The following C1orf74 variants were observed in gnomAD, a reference collection of about 807,000 sequenced individuals.
C1orf74 encodes chromosome 1 open reading frame 74.
C1orf74 carries 5 observed loss-of-function variants against 7.3 expected under a neutral mutation model. The observed-to-expected ratio is 0.68, with a 90% CI of 0.36 to 1.44. The LOEUF is 1.44. Ranked by LOEUF, C1orf74 falls within the 40% of genes most tolerant of loss-of-function variation. C1orf74 has a pLI of 0.04. For synonymous variants in C1orf74, 121 were observed against 132.5 expected, an observed-to-expected ratio of 0.91 and a Z score of 0.59; for missense variants, 291 against 314.3, an observed-to-expected ratio of 0.93 and a Z score of 0.56.
rs2077754410 is a variant in C1orf74, at chr1:209,780,548, G to C, written c.*2277C>G. ...GAGGGTACAGGGAAGGAGAAAGACT[G>C]GGATCTCAGAGACCAGCTGCAAAAG... On this transcript the variant is annotated 3_prime_UTR_variant, in exon 2 of 2. Coordinates refer to ENST00000294811, the MANE Select transcript of C1orf74 (RefSeq NM_152485.4). 1 of 1,601,706 alleles carries C rather than the reference G, an allele frequency of 6.2e-7. No homozygotes were observed. The highest frequency in any genetic ancestry group is 1.3e-5 in the African/African-American group (1 of 74,220).
In C1orf74 at chr1:209,781,722, T is replaced by C. The variant is rs2077784640; in HGVS notation, c.*1103A>G. On this transcript the variant is annotated 3_prime_UTR_variant, in exon 2 of 2. Coordinates refer to ENST00000294811, the MANE Select transcript of C1orf74 (RefSeq NM_152485.4). ...TATGAAAGGGTGTTCTTTTAGCCGA[T>C]GATAAGCATGGTGGCAAGAACAGAA... is the stretch of plus-strand genomic sequence containing the variant. 2 of 483,590 alleles carry C rather than the reference T, an allele frequency of 4.1e-6. No individual in the cohort carries two copies. The highest frequency in any genetic ancestry group is 3.6e-5 in the Admixed American group (1 of 27,934). The allele number at this position is 483,590 out of a possible 1,614,324, so 30.0% of individuals were successfully genotyped here.
chr1:209,779,228 T>TA lies in C1orf74; in HGVS notation c.*3596dup. ...ACACAGCAGATGGGAACATATTTAA[T>TA]AACCAAGGTTCTAAGCAAAGTTCTG... On this transcript the variant is annotated 3_prime_UTR_variant, in exon 2 of 2. Transcript: ENST00000294811. The TA allele has an allele frequency of 9.3e-7, 1 of 1,080,500 alleles. No homozygotes were observed. Among genetic ancestry groups the TA allele is most frequent in the Non-Finnish European group, 1.4e-6 (1 of 727,572 alleles). 66.9% of individuals were successfully genotyped at this position (1,080,500 alleles called of 1,614,324 possible).
rs1184811702 is a variant in C1orf74, at chr1:209,783,652, G to GCTAGCCCGAGTTCCCTTCC, written c.-37_-19dup. On this transcript the variant is annotated 5_prime_UTR_variant, in exon 2 of 2. Transcript: ENST00000294811. The stretch of plus-strand genomic sequence containing the variant: ...AGCAACATCAAGAATGGCCTCCTTA[G>GCTAGCCCGAGTTCCCTTCC]CTAGCCCGAGTTCCCTTCCCTGGGT... 1.9e-6 allele frequency: 3 copies of GCTAGCCCGAGTTCCCTTCC among 1,548,206 alleles called. No individual in the cohort carries two copies. The Admixed American group carries it at 5.9e-5, about 30-fold the overall frequency.
chr1:209,779,277 TA>T lies in C1orf74; in HGVS notation c.*3547del. ...TGAAAAGAAAACTTTTTGTAGTAAA[TA>T]TGCTAGCATAGACAAGTTCCTTGTG... is the stretch of plus-strand genomic sequence containing the variant. On this transcript the variant is annotated 3_prime_UTR_variant, in exon 2 of 2. Transcript: ENST00000294811. 1.3e-6 allele frequency: 2 copies of T among 1,590,506 alleles called. No individual in the cohort carries two copies. The highest frequency in any genetic ancestry group is 1.7e-6 in the Non-Finnish European group (2 of 1,161,568).
rs757022735 is a variant in C1orf74, at chr1:209,782,021, T to C, written c.*804A>G. On this transcript the variant is annotated 3_prime_UTR_variant, in exon 2 of 2. Transcript: ENST00000294811. ...GCCTATATCTTTTCCAATCCACTCA[T>C]GGCCACTTTCTTCTGTCTCCCTGTC... 2.2e-5 allele frequency: 34 copies of C among 1,559,424 alleles called. No individual in the cohort carries two copies. The highest frequency in any genetic ancestry group is 1.7e-5 in the Admixed American group (1 of 59,912).
chr1:209,782,344 G>A lies in C1orf74; in HGVS notation c.*481C>T. ...CAGAACTCTCAGTTTATTCCTGAAT[G>A]GTGTATTACATTAACAAGTATCACA... On this transcript the variant is annotated 3_prime_UTR_variant, in exon 2 of 2. Coordinates refer to ENST00000294811, the MANE Select transcript of C1orf74 (RefSeq NM_152485.4). 1.7e-6 allele frequency: 1 copy of A among 575,048 alleles called. No individual in the cohort carries two copies. Among genetic ancestry groups the A allele is most frequent in the Admixed American group, 3.0e-5 (1 of 33,648 alleles). 35.6% of individuals were successfully genotyped at this position (575,048 alleles called of 1,614,324 possible). A position where few individuals can be genotyped will look rare whatever the true frequency, so the allele number is the denominator to read the frequency against.
At position 209,779,583 on chromosome 1, in the gene C1orf74, G is replaced by A; in HGVS notation, c.*3242C>T. On this transcript the variant is annotated 3_prime_UTR_variant, in exon 2 of 2. Transcript: ENST00000294811. The stretch of plus-strand genomic sequence containing the variant: ...TTCTATCTTGAGGTATATAAACTGT[G>A]AAAAAGGGTTTCTATTCTCTCTGAA... 5.9e-6 allele frequency: 4 copies of A among 675,794 alleles called. No individual in the cohort carries two copies. The highest frequency in any genetic ancestry group is 1.1e-5 in the Non-Finnish European group (4 of 367,654). The allele number at this position is 675,794 out of a possible 1,614,324, so 41.9% of individuals were successfully genotyped here. A position where few individuals can be genotyped will look rare whatever the true frequency, so the allele number is the denominator to read the frequency against.
In C1orf74 at chr1:209,779,664, G is replaced by A. The variant is rs963155042; in HGVS notation, c.*3161C>T. 5.3e-5 allele frequency: 32 copies of A among 602,214 alleles called. No homozygotes were observed. Among genetic ancestry groups the A allele is most frequent in the Non-Finnish European group, 9.1e-5 (31 of 339,986 alleles). 37.3% of individuals were successfully genotyped at this position (602,214 alleles called of 1,614,324 possible). On this transcript the variant is annotated 3_prime_UTR_variant, in exon 2 of 2. Coordinates refer to ENST00000294811, the MANE Select transcript of C1orf74 (RefSeq NM_152485.4). ...ATTTATTTTGAACTCAGGATTTCAT[G>A]TCAATTTTTACACACTTGATTTTCC...
rs772132832 is a variant in C1orf74 at position 209,782,195 on chromosome 1, C to T, written c.*630G>A. 4 of 1,490,074 alleles carry T rather than the reference C, an allele frequency of 2.7e-6. No homozygotes were observed. Among genetic ancestry groups the T allele is most frequent in the East Asian group, 4.5e-5 (2 of 44,240 alleles). 92.3% of individuals were successfully genotyped at this position (1,490,074 alleles called of 1,614,324 possible). ...GGGTGAAAATCAGAAGCAAGCAACT[C>T]AGCGAAAAACTCAGAAGGTTTGGGT... On this transcript the variant is annotated 3_prime_UTR_variant, in exon 2 of 2. Coordinates refer to ENST00000294811, the MANE Select transcript of C1orf74 (RefSeq NM_152485.4).
In C1orf74 at chr1:209,782,391, T is replaced by A; in HGVS notation, c.*434A>T. ...CACATATTTAAGCATACTGGTGGTC[T>A]ACTCTCCTCAAATTCAGTTGGAGGC... On this transcript the variant is annotated 3_prime_UTR_variant, in exon 2 of 2. Transcript: ENST00000294811. 1 of 512,554 alleles carries A rather than the reference T, an allele frequency of 2.0e-6. No homozygotes were observed. Among genetic ancestry groups the A allele is most frequent in the Non-Finnish European group, 3.5e-6 (1 of 284,816 alleles). 31.8% of individuals were successfully genotyped at this position (512,554 alleles called of 1,614,324 possible). A position where few individuals can be genotyped will look rare whatever the true frequency, so the allele number is the denominator to read the frequency against.
In C1orf74 at chr1:209,783,110, G is replaced by C; in HGVS notation, c.525C>G (p.Ile175Met). Residue 175 changes from isoleucine to methionine, a missense_variant, in exon 2 of 2, where the codon ATC (isoleucine) becomes ATG (methionine). Coordinates refer to ENST00000294811, the MANE Select transcript of C1orf74 (RefSeq NM_152485.4). ...SDWNLCTVFG[I>M]LLGYPVPYTF... Reference sequence around the variant, plus strand: ...TATAGGGAACAGGATAGCCCAGGAGGATCCCAAATACAGTACACAGATTCC... The same window carrying C: ...TATAGGGAACAGGATAGCCCAGGAGCATCCCAAATACAGTACACAGATTCC... 6.2e-7 allele frequency: 1 copy of C among 1,614,150 alleles called. No homozygotes were observed. The highest frequency in any genetic ancestry group is 8.5e-7 in the Non-Finnish European group (1 of 1,180,032).
rs1163572438 is a variant in C1orf74, at chr1:209,782,869, T to C, written c.766A>G (p.Ser256Gly). 2 of 1,614,052 alleles carry C rather than the reference T, an allele frequency of 1.2e-6. No homozygotes were observed. The highest frequency in any genetic ancestry group is 1.7e-6 in the Non-Finnish European group (2 of 1,180,032). ...FRTQNDFADL[S>G]ISSEIVTLPA... Reference sequence around the variant, plus strand: ...AGTGTGACTATCTCAGAGGAGATGCTGAGATCAGCAAAGTCATTCTGAGTC... The same window carrying C: ...AGTGTGACTATCTCAGAGGAGATGCCGAGATCAGCAAAGTCATTCTGAGTC... The change falls in exon 2 of 2, where the codon AGC becomes GGC. Residue 256 changes from serine to glycine, a missense_variant. By Grantham distance (56) the Ser-to-Gly change is moderately conservative. Coordinates refer to ENST00000294811, the MANE Select transcript of C1orf74 (RefSeq NM_152485.4).
intron 1 of C1orf74, 81 bp from the exon 2 acceptor site, chr1:209,783,790 C>T (rs2077814398): frequency 1.4e-5 from 9 of 636,284 alleles, no homozygotes; most frequent in Middle Eastern, 4.4e-4. Flanking sequence ...TTCTGTCCCT[C>T]CCTGCTTTGA....
Position 209,782,656 on chromosome 1 carries a change from C to T in C1orf74, c.*169G>A. On this transcript the variant is annotated 3_prime_UTR_variant, in exon 2 of 2. Coordinates refer to ENST00000294811, the MANE Select transcript of C1orf74 (RefSeq NM_152485.4). Reference sequence around the variant, plus strand: ...ACTATCTACCAATTTGCTACTAGCACCACCATTACCTATTTACATGCCCTT... The same window carrying T: ...ACTATCTACCAATTTGCTACTAGCATCACCATTACCTATTTACATGCCCTT... 1.4e-6 allele frequency: 1 copy of T among 698,132 alleles called. No homozygotes were observed. The highest frequency in any genetic ancestry group is 1.8e-5 in the South Asian group (1 of 55,332). 43.2% of individuals were successfully genotyped at this position (698,132 alleles called of 1,614,324 possible). A position where few individuals can be genotyped will look rare whatever the true frequency, so the allele number is the denominator to read the frequency against.
Position 209,783,015 on chromosome 1 carries a change from A to G in C1orf74, c.620T>C (p.Ile207Thr). 1.2e-6 allele frequency: 2 copies of G among 1,614,140 alleles called. No individual in the cohort carries two copies. Among genetic ancestry groups the G allele is most frequent in the African/African-American group, 2.7e-5 (2 of 75,018 alleles). The change falls in exon 2 of 2, where the codon ATC becomes ACC. Residue 207 changes from isoleucine (I) to threonine (T), a missense_variant. Physicochemically the swap from Ile to Thr is moderately conservative, Grantham distance 89. Transcript: ENST00000294811. ...LTPLRVFTAR[I>T]SWLLGQPPIL... ...TGGGGGTTGACCTAGCAACCATGAG[A>G]TCCGGGCAGTGAATACTCGTAGTGG...
Position 209,783,455 on chromosome 1 carries a change from A to C in C1orf74, c.180T>G (p.Cys60Trp). The C allele has an allele frequency of 6.2e-7, 1 of 1,614,096 alleles. No individual in the cohort carries two copies. Among genetic ancestry groups the C allele is most frequent in the Non-Finnish European group, 8.5e-7 (1 of 1,179,996 alleles). The change falls in exon 2 of 2, where the codon TGT becomes TGG. Residue 60 changes from cysteine to tryptophan, a missense_variant. By Grantham distance (215) the Cys-to-Trp change is radical (BLOSUM62 -2). Transcript: ENST00000294811. The part of the protein sequence containing the change: ...LKPAVLYDCN[C>W]AGASELQSYL... ...AGCTCTGGAGCTCTGATGCCCCTGC[A>C]CAGTTGCAATCATAGAGCACAGCTG...
At position 209,780,928 on chromosome 1, in the gene C1orf74, GA is replaced by G. The variant is rs1423546946; in HGVS notation, c.*1896del. 33 of 187,560 alleles carry G rather than the reference GA, an allele frequency of 1.8e-4. No homozygotes were observed. 11.6% of individuals were successfully genotyped at this position (187,560 alleles called of 1,614,324 possible). A position where few individuals can be genotyped will look rare whatever the true frequency, so the allele number is the denominator to read the frequency against. ...CTTAAGTCTTTATATGTCTCTTAAA[GA>G]GTAAAACTCTTCCTTTGTACATACT... On this transcript the variant is annotated 3_prime_UTR_variant, in exon 2 of 2. Transcript: ENST00000294811.
chr1:209,782,977 A>C lies in C1orf74; in HGVS notation c.658T>G (p.Ser220Ala). ...LLGQPPILLYSFSVPESLFPG... is the reference protein window; with the variant it reads ...LLGQPPILLYAFSVPESLFPG... ...AACAAACTCTCTGGGACACTAAAAG[A>C]ATAGAGCAGGATTGGGGGTTGACCT... The change falls in exon 2 of 2, where the codon TCT becomes GCT. Residue 220 changes from serine (S) to alanine (A), a missense_variant. Physicochemically the swap from Ser to Ala is moderately conservative, Grantham distance 99. Transcript: ENST00000294811. The C allele has an allele frequency of 6.2e-7, 1 of 1,614,192 alleles. No individual in the cohort carries two copies. Among genetic ancestry groups the C allele is most frequent in the Non-Finnish European group, 8.5e-7 (1 of 1,180,032 alleles).
At position 209,780,661 on chromosome 1, in the gene C1orf74, T is replaced by C; in HGVS notation, c.*2164A>G. On this transcript the variant is annotated 3_prime_UTR_variant, in exon 2 of 2. Coordinates refer to ENST00000294811, the MANE Select transcript of C1orf74 (RefSeq NM_152485.4). Reference sequence around the variant, plus strand: ...TCATTTGCGAAATAGCAGAGAAACCTGGGAGGCAGTCAAAAAGCAGGGATT... The same window carrying C: ...TCATTTGCGAAATAGCAGAGAAACCCGGGAGGCAGTCAAAAAGCAGGGATT... 4 of 1,434,020 alleles carry C rather than the reference T, an allele frequency of 2.8e-6. No individual in the cohort carries two copies. The highest frequency in any genetic ancestry group is 1.5e-5 in the African/African-American group (1 of 68,902). The allele number at this position is 1,434,020 out of a possible 1,614,324, so 88.8% of individuals were successfully genotyped here. A position where few individuals can be genotyped will look rare whatever the true frequency, so the allele number is the denominator to read the frequency against.
Sources: allele counts gnomAD v4.1 joint callset, GRCh38; gene constraint gnomAD v4.1.1; transcripts MANE v1.5; gene names NCBI Gene and HGNC (gene_info 2026-07-23, HGNC 2026-07-21).